Variants in KCNIP1 observed in about 807,000 individuals in gnomAD.
The protein encoded by KCNIP1 is potassium voltage-gated channel interacting protein 1.
A neutral mutation model predicts 33.0 loss-of-function variants in KCNIP1; 18 were observed. The observed-to-expected ratio is 0.55, with a 90% CI of 0.38 to 0.81. The LOEUF (loss-of-function observed/expected upper bound fraction) is 0.81, where lower values mean the gene tolerates loss of function less well. KCNIP1 is among the 30% of genes least tolerant of loss of function. The pLI is 0.00. For synonymous variants in KCNIP1, 93 were observed against 98.3 expected, an observed-to-expected ratio of 0.95 and a Z score of 0.32; for missense variants, 238 against 271.6, an observed-to-expected ratio of 0.88 and a Z score of 0.87.
intron 1 of KCNIP1, among the ~76,000 whole-genome samples, chr5:170,558,509 A>T (rs1756918887): frequency 6.6e-6 from 1 of 152,234 alleles, no homozygotes; most frequent in African/African-American, 2.4e-5. Flanking sequence ...ATAAAGATCG[A>T]GGTGGAATGG....
At chr5:170,714,176 G>A (rs1315911002) in intron 1 of KCNIP1, among the ~76,000 whole-genome samples, 1 of 152,220 alleles carries the variant, frequency 6.6e-6, no homozygotes. Context: ...GACCCAAGGT[G>A]TGAGTCCTCC....
At chr5:170,651,179 C>T (rs79592559) in intron 1 of KCNIP1, among the ~76,000 whole-genome samples, 8,343 of 152,226 alleles carry the variant, frequency 0.055, 298 homozygotes, top group Non-Finnish European at 0.081. Context: ...GAAGAACCTT[C>T]TAACAGTCAG....
chr5:170,672,369 A>G (rs1343784307), intron 1 of KCNIP1, among the ~76,000 whole-genome samples: 1 of 152,228 alleles, frequency 6.6e-6, no homozygotes, highest in Non-Finnish European at 1.5e-5. Context: ...TTCAGAAAAG[A>G]GATGTCCATA....
At position 170,629,608 on chromosome 5, in the gene KCNIP1, G is replaced by A. The variant is rs143103950; in HGVS notation, c.62-89150G>A. On this transcript the variant is annotated intron_variant, in intron 1 of 7. Coordinates refer to ENST00000328939, the MANE Select transcript of KCNIP1 (RefSeq NM_014592.4). ...TTAGATTGAGCTGGGTCCCATCTTG[G>A]GCCTTTGCTGGTCCCTCCCTAGAAA... Among the ~76,000 whole-genome samples, 1,146 of 152,246 alleles carry A rather than the reference G, an allele frequency of 7.5e-3. 13 individuals carry two copies. The highest frequency in any genetic ancestry group is 0.012 in the Non-Finnish European group (845 of 68,008).
At position 170,675,477 on chromosome 5, in the gene KCNIP1, C is replaced by T. The variant is rs180799842; in HGVS notation, c.62-43281C>T. ...TCCTAAAAAATACAAAAATATTAGCCGGGCATGGTGGCACGCACCTGTAGT... is the reference window on the plus strand; with the variant it reads ...TCCTAAAAAATACAAAAATATTAGCTGGGCATGGTGGCACGCACCTGTAGT... On this transcript the variant is annotated intron_variant, in intron 1 of 7. Coordinates refer to ENST00000328939, the MANE Select transcript of KCNIP1 (RefSeq NM_014592.4). Among the ~76,000 whole-genome samples the T allele has an allele frequency of 3.3e-3, 500 of 152,082 alleles. 6 individuals are homozygous for T. Among genetic ancestry groups the T allele is most frequent in the Admixed American group, 5.6e-3 (85 of 15,278 alleles).
At position 170,361,319 on chromosome 5, in the gene KCNIP1, C is replaced by G. The variant is rs150923859; in HGVS notation, c.88+7355C>G. Among the ~76,000 whole-genome samples the G allele has an allele frequency of 2.0e-3, 310 of 152,302 alleles. 1 individual carries two copies. Among genetic ancestry groups the G allele is most frequent in the African/African-American group, 7.0e-3 (291 of 41,570 alleles). ...CAGCTGGAGGAAAGAAAGGCCAGGACTCCTGAAAAAGACTCATGGGAAGTC... is the reference window on the plus strand; with the variant it reads ...CAGCTGGAGGAAAGAAAGGCCAGGAGTCCTGAAAAAGACTCATGGGAAGTC... On this transcript the variant is annotated intron_variant, in intron 1 of 7. Coordinates refer to the KCNIP1 transcript ENST00000377360.
chr5:170,503,690 G>C (rs1757465922), upstream of KCNIP1, among the ~76,000 whole-genome samples: 1 of 82,694 alleles, frequency 1.2e-5, no homozygotes, highest in Non-Finnish European at 2.5e-5. Flanking sequence ...ACCACACACA[G>C]GGACACACAC....
At chr5:170,383,752 C>T (rs778187074) in intron 1 of KCNIP1, 60 of 1,614,100 alleles carry the variant, frequency 3.7e-5, no homozygotes, top group Non-Finnish European at 4.0e-5. Flanking sequence ...CACGTTGACC[C>T]ACAGGCATGG....
intron 1 of KCNIP1, among the ~76,000 whole-genome samples, chr5:170,712,029 C>G (rs1763464435): frequency 6.6e-6 from 1 of 152,174 alleles, no homozygotes; most frequent in African/African-American, 2.4e-5. Context: ...TAAGAGCCTA[C>G]AGAGGAAATC....
intron 1 of KCNIP1, chr5:170,678,784 C>A (rs965557209): frequency 6.6e-6 from 1 of 152,114 alleles, no homozygotes. Context: ...AGGGAGAATA[C>A]ACGGGAGGGA....
chr5:170,456,482 T>A (rs1191123469), intron 1 of KCNIP1, among the ~76,000 whole-genome samples: 3 of 151,686 alleles, frequency 2.0e-5, no homozygotes, highest in Non-Finnish European at 2.9e-5. Flanking sequence ...AAAATTTTTT[T>A]AAAAAAAGAA....
At chr5:170,451,022 T>A (rs889680830) in intron 1 of KCNIP1, among the ~76,000 whole-genome samples, 1 of 152,090 alleles carries the variant, frequency 6.6e-6, no homozygotes, top group Non-Finnish European at 1.5e-5. Flanking sequence ...TTGAAAAAGT[T>A]TGTTGCTGAG....
intron 7 of KCNIP1, 76 bp from the exon 8 acceptor site, chr5:170,735,683 A>C: frequency 7.8e-7 from 1 of 1,284,820 alleles, no homozygotes; most frequent in Non-Finnish European, 1.1e-6. Flanking sequence ...CATGCTTGAC[A>C]TTTGCTCACC....
intron 1 of KCNIP1, chr5:170,385,523 C>A: frequency 1.3e-6 from 2 of 1,548,910 alleles, no homozygotes; most frequent in South Asian, 2.3e-5. Context: ...CACAGGTGAT[C>A]CACAGAAAGA....
intron 1 of KCNIP1, among the ~76,000 whole-genome samples, chr5:170,415,520 C>T (rs1477629325): frequency 6.6e-6 from 1 of 151,710 alleles, no homozygotes; most frequent in Admixed American, 6.6e-5. Flanking sequence ...ACTGCTTAGC[C>T]TCCCCGGGGA....
intron 1 of KCNIP1, among the ~76,000 whole-genome samples, chr5:170,570,675 G>C (rs181076494): frequency 1.3e-5 from 2 of 152,212 alleles, no homozygotes; most frequent in Non-Finnish European, 2.9e-5. Context: ...CTGTGGCCCC[G>C]TGCCAGGCGG....
chr5:170,714,203 G>A (rs536649842), intron 1 of KCNIP1, among the ~76,000 whole-genome samples: 18 of 152,292 alleles, frequency 1.2e-4, no homozygotes, highest in African/African-American at 4.1e-4. Flanking sequence ...TCACAGTCCA[G>A]GTCTAACTGG....
At chr5:170,597,981 C>A (rs1436840026) in intron 1 of KCNIP1, among the ~76,000 whole-genome samples, 1 of 152,108 alleles carries the variant, frequency 6.6e-6, no homozygotes. Context: ...CCAGCATCCA[C>A]AGGAAATGTA....
intron 1 of KCNIP1, among the ~76,000 whole-genome samples, chr5:170,550,747 A>G (rs1756597095): frequency 6.6e-6 from 1 of 152,116 alleles, no homozygotes; most frequent in Admixed American, 6.5e-5. Flanking sequence ...GATGATGATG[A>G]TGGTGATGAT....
Sources: allele counts gnomAD v4.1 joint callset (sites outside exome capture counted in the v4.1 genomes callset), GRCh38; gene constraint gnomAD v4.1.1; transcripts MANE v1.5; gene names NCBI Gene and HGNC (gene_info 2026-07-23, HGNC 2026-07-21).